ARHGEF4: variants seen among roughly 807,000 people sequenced by gnomAD.
ARHGEF4 encodes the protein APC-stimulated guanine nucleotide exchange factor 1.
In ARHGEF4, 119 loss-of-function variants were observed where a neutral mutation model predicts 162.0. That is an observed-to-expected ratio of 0.73 (90% CI 0.63 to 0.86). ARHGEF4 has a LOEUF of 0.86. ARHGEF4 is among the 40% of genes least tolerant of loss of function. ARHGEF4 has a pLI of 0.00. For synonymous variants in ARHGEF4, 1,014 were observed against 979.9 expected (o/e 1.03, Z -0.65); for missense variants, 2,488 against 2,456.0 (o/e 1.01, Z -0.28).
At chr2:130,907,735 C>G (rs552606012) in intron 1 of ARHGEF4, among the ~76,000 whole-genome samples, 1 of 151,646 alleles carries the variant, frequency 6.6e-6, no homozygotes, top group African/African-American at 2.4e-5. Context: ...AGGCAGATCA[C>G]GAAGTCAGGA....
chr2:130,869,350 G>A (rs1054118035), intron 1 of ARHGEF4, among the ~76,000 whole-genome samples: 8 of 152,254 alleles, frequency 5.3e-5, no homozygotes, highest in Admixed American at 1.3e-4. Context: ...ACTTGGAGCC[G>A]GATAGATGTG....
chr2:130,850,591 C>T (rs1681340525), intron 1 of ARHGEF4, among the ~76,000 whole-genome samples: 1 of 152,212 alleles, frequency 6.6e-6, no homozygotes, highest in African/African-American at 2.4e-5. Context: ...TCTGCGTCCA[C>T]AAGGTGGGCA....
At chr2:131,035,034 C>T in intron 5 of ARHGEF4, 1 of 990,426 alleles carries the variant, frequency 1.0e-6, no homozygotes, top group Non-Finnish European at 1.2e-6. Flanking sequence ...CTGCGGGCCA[C>T]CGGCTCGGCC....
At chr2:130,984,315 A>T (rs897844233) in intron 4 of ARHGEF4, among the ~76,000 whole-genome samples, 8 of 152,214 alleles carry the variant, frequency 5.3e-5, no homozygotes, top group African/African-American at 1.9e-4. Flanking sequence ...ACCTGGATAC[A>T]TGCAACTCCA....
At chr2:131,044,619 A>G in intron 12 of ARHGEF4, 77 bp downstream of exon 12, 1 of 1,501,880 alleles carries the variant, frequency 6.7e-7, no homozygotes, top group South Asian at 1.3e-5. Flanking sequence ...CCTGCCGGTC[A>G]GGAGAGCGCC....
intron 4 of ARHGEF4, among the ~76,000 whole-genome samples, chr2:131,020,476 G>T (rs1188588405): frequency 6.6e-6 from 1 of 151,954 alleles, no homozygotes; most frequent in Non-Finnish European, 1.5e-5. Flanking sequence ...TGCTGAGAAT[G>T]ATGGTTTCCA....
At chr2:130,988,854 G>A (rs994665096) in intron 4 of ARHGEF4, among the ~76,000 whole-genome samples, 1 of 22,422 alleles carries the variant, frequency 4.5e-5, no homozygotes, top group African/African-American at 9.7e-5. Flanking sequence ...ATATTTGTGT[G>A]TGTGTGTGTG....
intron 4 of ARHGEF4, among the ~76,000 whole-genome samples, chr2:131,015,345 A>G (rs1294228338): frequency 6.6e-6 from 1 of 152,172 alleles, no homozygotes; most frequent in Non-Finnish European, 1.5e-5. Context: ...AGATGACTAA[A>G]TGTAGTATTG....
intron 4 of ARHGEF4, chr2:130,963,974 C>G (rs985622587): frequency 3.4e-5 from 1 of 29,266 alleles, no homozygotes; most frequent in Non-Finnish European, 4.5e-5. Flanking sequence ...CCCGGCAGCC[C>G]CGCGGCCGCC....
At chr2:131,025,268 C>T (rs1333359538) in intron 4 of ARHGEF4, among the ~76,000 whole-genome samples, 7 of 152,146 alleles carry the variant, frequency 4.6e-5, no homozygotes, top group South Asian at 2.1e-4. Flanking sequence ...TACTTTTAAA[C>T]GATCAGATCT....
chr2:130,904,438 G>A (rs1680691587), intron 1 of ARHGEF4, among the ~76,000 whole-genome samples: 1 of 152,124 alleles, frequency 6.6e-6, no homozygotes, highest in Non-Finnish European at 1.5e-5. Flanking sequence ...TTACTGCCAG[G>A]TTTGGCTAGA....
chr2:130,975,752 T>C (rs1364781682), intron 4 of ARHGEF4, among the ~76,000 whole-genome samples: 1 of 152,200 alleles, frequency 6.6e-6, no homozygotes, highest in East Asian at 1.9e-4. Context: ...CACACATGAC[T>C]AAAACAAATC....
chr2:131,000,474 C>A (rs10195756), intron 4 of ARHGEF4, among the ~76,000 whole-genome samples: 5,999 of 152,126 alleles, frequency 0.039, 260 homozygotes, highest in African/African-American at 0.11. Flanking sequence ...TGTTCTTTTT[C>A]TATTTTCTGA....
chr2:130,907,948 C>T (rs938022530), intron 1 of ARHGEF4, among the ~76,000 whole-genome samples: 6 of 150,330 alleles, frequency 4.0e-5, no homozygotes, highest in African/African-American at 1.2e-4. Flanking sequence ...CAAAGCAAGA[C>T]TCTGTCTCAA....
At position 131,011,187 on chromosome 2, in the gene ARHGEF4, G is replaced by T. The variant is rs187638202; in HGVS notation, c.3986-16758G>T. Among the ~76,000 whole-genome samples the T allele has an allele frequency of 2.2e-3, 328 of 152,248 alleles. 2 individuals are homozygous for T. Among genetic ancestry groups the T allele is most frequent in the South Asian group, 0.015 (74 of 4,816 alleles). ...TGTTTGTTGAACCTGAATCCAAAAG[G>T]TTTAGATTACATTTTCTTGATAGTA... On this transcript the variant is annotated intron_variant, in intron 4 of 13. Coordinates refer to ENST00000409359, the MANE Select transcript of ARHGEF4 (RefSeq NM_001367493.1).
At chr2:130,837,998 A>G (rs1219057532) in intron 1 of ARHGEF4, among the ~76,000 whole-genome samples, 2 of 152,238 alleles carry the variant, frequency 1.3e-5, no homozygotes, top group African/African-American at 4.8e-5. Flanking sequence ...GCAGACCTGC[A>G]GGAGCCCTGC....
chr2:130,885,918 A>AC (rs1679494785), intron 1 of ARHGEF4, among the ~76,000 whole-genome samples: 1 of 151,972 alleles, frequency 6.6e-6, no homozygotes, highest in Non-Finnish European at 1.5e-5. Context: ...TTCATGAGAC[A>AC]TGTAGAGTTT....
rs533141796 is a variant in ARHGEF4, at chr2:131,021,715, G to A, written c.3986-6230G>A. The stretch of plus-strand genomic sequence containing the variant: ...TTACAGTACTATGTTGAATAGAAGT[G>A]GAGAAAGCAGGCATCCTTGTCTCGT... On this transcript the variant is annotated intron_variant, in intron 4 of 13. Transcript: ENST00000409359. Among the ~76,000 whole-genome samples the A allele has an allele frequency of 9.9e-5, 15 of 152,282 alleles. No homozygotes were observed. In the South Asian group the frequency reaches 3.1e-3, roughly 32 times the overall value.
chr2:130,950,025 T>C (rs1053822600), intron 4 of ARHGEF4, among the ~76,000 whole-genome samples: 1 of 152,230 alleles, frequency 6.6e-6, no homozygotes, highest in South Asian at 2.1e-4. Context: ...CCCCCAGCAG[T>C]GGTGTGTTGT....
Sources: gnomAD v4.1 joint callset for allele counts (sites outside exome capture counted in the v4.1 genomes callset) on GRCh38, gnomAD v4.1.1 for gene constraint, MANE v1.5 for transcripts, NCBI Gene and HGNC (gene_info 2026-07-23, HGNC 2026-07-21) for gene names.